Variants in NBN observed in about 807,000 individuals in gnomAD.
NBN encodes nibrin.
In NBN, 88 loss-of-function variants were observed where a neutral mutation model predicts 90.8. The observed-to-expected ratio is 0.97, with a 90% CI of 0.82 to 1.16. The LOEUF is 1.16. Among genes scored for constraint, NBN ranks in the 50% most tolerant of loss-of-function variants. The pLI is 0.00. For synonymous variants in NBN, 328 were observed against 295.1 expected (o/e 1.11, Z -1.14); for missense variants, 894 against 869.6 (o/e 1.03, Z -0.35).
At chr8:89,942,082 C>T (rs963383956) in intron 14 of NBN, among the ~76,000 whole-genome samples, 6 of 152,030 alleles carry the variant, frequency 3.9e-5, no homozygotes, top group South Asian at 2.1e-4. Context: ...ATGAGTGATA[C>T]GAAAGAAAAC....
At chr8:89,958,177 C>A (rs1327281073) in intron 9 of NBN, among the ~76,000 whole-genome samples, 1 of 152,124 alleles carries the variant, frequency 6.6e-6, no homozygotes, top group Non-Finnish European at 1.5e-5. Flanking sequence ...GGCGGTAATG[C>A]AAGCAATGGG....
chr8:89,981,243 C>T (rs1812048998), intron 3 of NBN, 132 bp downstream of exon 3: 7 of 982,168 alleles, frequency 7.1e-6, no homozygotes, highest in Admixed American at 6.1e-5. Flanking sequence ...ACCCATGGCA[C>T]AGAGTCCAAT....
intron 2 of NBN, chr8:89,981,775 G>C: frequency 1.9e-6 from 1 of 516,270 alleles, no homozygotes; most frequent in East Asian, 3.8e-5. Flanking sequence ...AGTCAGTGGG[G>C]ATTCTCCTGA....
chr8:89,936,905 G>A lies in NBN; in HGVS notation c.2234+121C>T. On this transcript the variant is annotated intron_variant, in intron 15 of 15. Coordinates refer to ENST00000265433, the MANE Select transcript of NBN (RefSeq NM_002485.5). Reference sequence around the variant, plus strand: ...TTAAGTAATAAAAATAAACACTTGTGTTAGGTGAAGGGACTAGGTGTCTAT... The same window carrying A: ...TTAAGTAATAAAAATAAACACTTGTATTAGGTGAAGGGACTAGGTGTCTAT... 5.4e-6 allele frequency: 4 copies of A among 739,524 alleles called. No homozygotes were observed. The South Asian group carries it at 6.1e-5, about 11-fold the overall frequency. The allele number at this position is 739,524 out of a possible 1,614,324, so 45.8% of individuals were successfully genotyped here. A position where few individuals can be genotyped will look rare whatever the true frequency, so the allele number is the denominator to read the frequency against.
intron 9 of NBN, among the ~76,000 whole-genome samples, chr8:89,957,522 T>G (rs1373577916): frequency 2.0e-5 from 3 of 152,214 alleles, no homozygotes; most frequent in African/African-American, 7.2e-5. Context: ...CTAAATGTAG[T>G]GCTAATAAGG....
At chr8:89,971,847 G>GTTTTAGCT (rs1811531208) in intron 5 of NBN, among the ~76,000 whole-genome samples, 1 of 152,130 alleles carries the variant, frequency 6.6e-6, no homozygotes, top group Non-Finnish European at 1.5e-5. Context: ...TTAATTTAAT[G>GTTTTAGCT]CTATAAGAAC....
intron 9 of NBN, among the ~76,000 whole-genome samples, chr8:89,958,413 T>A (rs927569273): frequency 3.3e-5 from 5 of 152,246 alleles, no homozygotes; most frequent in African/African-American, 1.2e-4. Flanking sequence ...TTGGAAAGTA[T>A]CCTTGTCTTT....
At position 89,935,359 on chromosome 8, in the gene NBN, C is replaced by T; in HGVS notation, c.*223G>A. ...TATTAACTATTTAATAAACAAAACACATTTAAAAATGAAAAAAAGATGCAA... is the reference window on the plus strand; with the variant it reads ...TATTAACTATTTAATAAACAAAACATATTTAAAAATGAAAAAAAGATGCAA... On this transcript the variant is annotated 3_prime_UTR_variant, in exon 16 of 16. Transcript: ENST00000265433. 2.0e-6 allele frequency: 1 copy of T among 508,658 alleles called. No individual in the cohort carries two copies. The highest frequency in any genetic ancestry group is 3.5e-6 in the Non-Finnish European group (1 of 287,318). 31.5% of individuals were successfully genotyped at this position (508,658 alleles called of 1,614,324 possible). A position where few individuals can be genotyped will look rare whatever the true frequency, so the allele number is the denominator to read the frequency against.
At chr8:89,980,242 A>T (rs1162532170) in intron 4 of NBN, among the ~76,000 whole-genome samples, 1 of 152,218 alleles carries the variant, frequency 6.6e-6, no homozygotes, top group Admixed American at 6.5e-5. Flanking sequence ...GATTTTTAAT[A>T]AAGGAATCTA....
At chr8:89,970,237 A>T in intron 7 of NBN, 127 bp downstream of exon 7, 1 of 750,892 alleles carries the variant, frequency 1.3e-6, no homozygotes, top group Non-Finnish European at 2.2e-6. Flanking sequence ...CAACAAGAGC[A>T]AGACTCCGTC....
chr8:89,949,796 CA>C (rs1193316421), intron 11 of NBN, among the ~76,000 whole-genome samples: 1 of 151,834 alleles, frequency 6.6e-6, no homozygotes, highest in Non-Finnish European at 1.5e-5. Flanking sequence ...AAAAAATCGC[CA>C]AAAAAATGTT....
intron 14 of NBN, among the ~76,000 whole-genome samples, chr8:89,941,926 T>C (rs1462905333): frequency 6.6e-6 from 1 of 152,156 alleles, no homozygotes; most frequent in Admixed American, 6.5e-5. Context: ...AAAAGCACTT[T>C]TAAAAGTGAA....
At chr8:89,982,918 C>T (rs1812145911) in intron 1 of NBN, 63 bp from the exon 2 acceptor site, 2 of 1,495,312 alleles carry the variant, frequency 1.3e-6, no homozygotes, top group African/African-American at 1.4e-5. Context: ...TACACGAACA[C>T]ACACATACAT....
At chr8:89,960,480 A>G (rs1279876139) in intron 8 of NBN, among the ~76,000 whole-genome samples, 1 of 152,084 alleles carries the variant, frequency 6.6e-6, no homozygotes, top group Admixed American at 6.6e-5. Flanking sequence ...GTGAGACTTC[A>G]TCTCAACAAA....
chr8:89,953,263 G>C lies in NBN; in HGVS notation c.1826C>G (p.Pro609Arg), dbSNP rs773678006. 6.2e-7 allele frequency: 1 copy of C among 1,610,996 alleles called. No individual in the cohort carries two copies. The change falls in exon 11 of 16, where the codon CCA (proline) becomes CGA (arginine). Residue 609 changes from proline to arginine, a missense_variant. Coordinates refer to ENST00000265433, the MANE Select transcript of NBN (RefSeq NM_002485.5). ...ACTTACAGATATTTTGCTACTTTCT[G>C]GTACTGCTTCATCACTGAAAGTGTC... ...TNDTFSDEAV[P>R]ESSKISQENE...
In NBN at chr8:89,946,277, C is replaced by T. The variant is rs1064796613; in HGVS notation, c.1933G>A (p.Asp645Asn). 6.3e-7 allele frequency: 1 copy of T among 1,583,522 alleles called. No individual in the cohort carries two copies. Among genetic ancestry groups the T allele is most frequent in the Non-Finnish European group, 8.7e-7 (1 of 1,152,686 alleles). The change falls in exon 13 of 16, where the codon GAT becomes AAT. Residue 645 changes from aspartate (D) to asparagine (N), a missense_variant. Physicochemically the swap from Asp to Asn is conservative, Grantham distance 23 (BLOSUM62 1). Coordinates refer to ENST00000265433, the MANE Select transcript of NBN (RefSeq NM_002485.5). ...KEISNNDKLQ[D>N]DSEMLPKKLL... is the part of the protein sequence containing the mutation. Reference sequence around the variant, plus strand: ...TTTTTTGGAAGCATCTCACTATCATCCTGAAGTTTGTCATTGTTCTTAAAT... The same window carrying T: ...TTTTTTGGAAGCATCTCACTATCATTCTGAAGTTTGTCATTGTTCTTAAAT...
intron 1 of NBN, 139 bp downstream of exon 1, chr8:89,984,386 A>T (rs1812229796): frequency 1.3e-6 from 1 of 790,114 alleles, no homozygotes; most frequent in East Asian, 2.7e-5. Context: ...CTTGCCATAC[A>T]GCGTACTCGC....
At chr8:89,967,777 C>T (rs1387196117) in intron 7 of NBN, among the ~76,000 whole-genome samples, 1 of 152,174 alleles carries the variant, frequency 6.6e-6, no homozygotes, top group African/African-American at 2.4e-5. Flanking sequence ...ATACTCACTT[C>T]TGACATCTAA....
chr8:89,933,568 T>C lies in NBN; in HGVS notation c.*2014A>G, dbSNP rs555880522. The C allele has an allele frequency of 4.3e-6, 1 of 231,946 alleles. No homozygotes were observed. Among genetic ancestry groups the C allele is most frequent in the Admixed American group, 5.6e-5 (1 of 17,754 alleles). The allele number at this position is 231,946 out of a possible 1,614,324, so 14.4% of individuals were successfully genotyped here. A position where few individuals can be genotyped will look rare whatever the true frequency, so the allele number is the denominator to read the frequency against. On this transcript the variant is annotated 3_prime_UTR_variant, in exon 16 of 16. Transcript: ENST00000265433. ...TTTCAATAAACAGTGTTACAATGAC[T>C]GGATACTTGTATGGGGGAAAAAAAG...
Sources: allele counts gnomAD v4.1 joint callset (sites outside exome capture counted in the v4.1 genomes callset), GRCh38; gene constraint gnomAD v4.1.1; transcripts MANE v1.5; gene names NCBI Gene and HGNC (gene_info 2026-07-23, HGNC 2026-07-21).